Variants in SMOC2 observed in about 807,000 individuals in gnomAD.
The protein encoded by SMOC2 is SPARC related modular calcium binding 2, also known as SPARC-related modular calcium-binding protein 2.
SMOC2 carries 39 observed loss-of-function variants against 61.4 expected under a neutral mutation model. That is an observed-to-expected ratio of 0.64 (90% CI 0.49 to 0.83). The LOEUF (loss-of-function observed/expected upper bound fraction) is 0.83. SMOC2 is among the 40% of genes least tolerant of loss of function. SMOC2 has a pLI of 0.00. For missense variants in SMOC2, 556 were observed against 592.9 expected, an observed-to-expected ratio of 0.94 and a Z score of 0.65; for synonymous variants, 247 against 239.9, an observed-to-expected ratio of 1.03 and a Z score of -0.27.
At chr6:168,480,799 G>T (rs939909788) in intron 1 of SMOC2, among the ~76,000 whole-genome samples, 1 of 152,166 alleles carries the variant, frequency 6.6e-6, no homozygotes, top group African/African-American at 2.4e-5. Flanking sequence ...TAGACAAAGA[G>T]AATTTTGAAA....
At chr6:168,656,507 T>TAA (rs5881805) in intron 11 of SMOC2, among the ~76,000 whole-genome samples, 27,639 of 85,990 alleles carry the variant, frequency 0.32, 5,494 homozygotes, top group Non-Finnish European at 0.45. Context: ...GACTTTGTGT[T>TAA]AAAAAAAAAA....
At chr6:168,661,583 C>T (rs9355076) in intron 11 of SMOC2, among the ~76,000 whole-genome samples, 143,643 of 152,160 alleles carry the variant, frequency 0.94, 68,061 homozygotes, top group African/African-American at 0.99. Context: ...TCCTGGGTGG[C>T]AGAGTGAGAC....
intron 4 of SMOC2, among the ~76,000 whole-genome samples, chr6:168,534,420 G>C (rs910772683): frequency 6.6e-6 from 1 of 152,256 alleles, no homozygotes; most frequent in African/African-American, 2.4e-5. Context: ...GGAAGAGTGG[G>C]AGGTCCCTGC....
At chr6:168,445,391 G>A (rs1781309498) in intron 1 of SMOC2, among the ~76,000 whole-genome samples, 1 of 152,062 alleles carries the variant, frequency 6.6e-6, no homozygotes, top group Non-Finnish European at 1.5e-5. Flanking sequence ...TCCTATTTGT[G>A]TTTATTTGCT....
chr6:168,469,508 T>A (rs1311290507), intron 1 of SMOC2, among the ~76,000 whole-genome samples: 2 of 152,248 alleles, frequency 1.3e-5, no homozygotes, highest in African/African-American at 4.8e-5. Context: ...GGTCAGGGTT[T>A]GAATACAGAA....
chr6:168,496,050 T>A (rs1782582378), intron 1 of SMOC2, among the ~76,000 whole-genome samples: 1 of 152,230 alleles, frequency 6.6e-6, no homozygotes, highest in Non-Finnish European at 1.5e-5. Context: ...TCCACAAAAG[T>A]CTCCAAGCTT....
At chr6:168,519,043 ATG>A (rs779497513) in intron 2 of SMOC2, among the ~76,000 whole-genome samples, 65 of 133,202 alleles carry the variant, frequency 4.9e-4, no homozygotes, top group East Asian at 2.0e-3. Context: ...GTATGTGTGC[ATG>A]TGTGAGCATG....
intron 9 of SMOC2, among the ~76,000 whole-genome samples, chr6:168,641,234 G>A (rs765132722): frequency 1.3e-5 from 2 of 151,990 alleles, no homozygotes; most frequent in Non-Finnish European, 2.9e-5. Context: ...TGAAATGCTC[G>A]CTCCTCCCCG....
chr6:168,474,577 G>A (rs1782036656), intron 1 of SMOC2, among the ~76,000 whole-genome samples: 1 of 152,094 alleles, frequency 6.6e-6, no homozygotes, highest in Admixed American at 6.5e-5. Context: ...TACTATTTGT[G>A]CTTGATAATT....
intron 6 of SMOC2, among the ~76,000 whole-genome samples, chr6:168,548,592 C>T (rs1281094965): frequency 6.6e-6 from 1 of 151,786 alleles, no homozygotes; most frequent in Admixed American, 6.6e-5. Flanking sequence ...TCTTGAACAC[C>T]CGACCTCAGG....
intron 2 of SMOC2, 58 bp downstream of exon 2, chr6:168,510,144 G>A: frequency 1.3e-6 from 2 of 1,530,452 alleles, no homozygotes; most frequent in Non-Finnish European, 1.8e-6. Flanking sequence ...CAAAATGAAT[G>A]CAAACATATT....
chr6:168,527,995 T>C (rs1783495817), intron 4 of SMOC2, among the ~76,000 whole-genome samples: 1 of 152,240 alleles, frequency 6.6e-6, no homozygotes, highest in South Asian at 2.1e-4. Flanking sequence ...CATCTGATCA[T>C]GATGGGTTAA....
At chr6:168,603,788 C>T (rs1169952899) in intron 8 of SMOC2, among the ~76,000 whole-genome samples, 1 of 151,960 alleles carries the variant, frequency 6.6e-6, no homozygotes, top group Admixed American at 6.5e-5. Context: ...GGGGCGACTC[C>T]CTGAAATGCC....
chr6:168,445,162 A>G (rs1583022016), intron 1 of SMOC2, among the ~76,000 whole-genome samples: 2 of 152,224 alleles, frequency 1.3e-5, no homozygotes, highest in Admixed American at 1.3e-4. Context: ...TTCTCAAGTC[A>G]TCCTGCCATT....
At chr6:168,471,030 A>C (rs1384626473) in intron 1 of SMOC2, among the ~76,000 whole-genome samples, 2 of 152,208 alleles carry the variant, frequency 1.3e-5, no homozygotes, top group African/African-American at 4.8e-5. Context: ...ATTTTGTAAT[A>C]TTGTTGTAAT....
At chr6:168,639,531 G>A (rs150995203) in intron 9 of SMOC2, among the ~76,000 whole-genome samples, 5 of 152,268 alleles carry the variant, frequency 3.3e-5, no homozygotes, top group Non-Finnish European at 5.9e-5. Flanking sequence ...TTTTGTAGCT[G>A]TTTTGAAATA....
chr6:168,457,190 C>T (rs768701990), intron 1 of SMOC2, among the ~76,000 whole-genome samples: 4 of 152,194 alleles, frequency 2.6e-5, no homozygotes, highest in Admixed American at 6.5e-5. Flanking sequence ...GGACCGTCCA[C>T]GAGGGCTGCC....
intron 9 of SMOC2, among the ~76,000 whole-genome samples, chr6:168,648,566 G>A (rs918621928): frequency 2.0e-5 from 3 of 152,226 alleles, no homozygotes; most frequent in African/African-American, 7.2e-5. Context: ...GCAGCCTCAG[G>A]TCCTCTGCCT....
At chr6:168,448,379 G>T (rs1242277519) in intron 1 of SMOC2, among the ~76,000 whole-genome samples, 1 of 150,460 alleles carries the variant, frequency 6.6e-6, no homozygotes, top group Non-Finnish European at 1.5e-5. Flanking sequence ...GAGGAGGATG[G>T]CAATGGGGAG....
Sources: gnomAD v4.1 joint callset for allele counts (sites outside exome capture counted in the v4.1 genomes callset) on GRCh38, gnomAD v4.1.1 for gene constraint, MANE v1.5 for transcripts, NCBI Gene and HGNC (gene_info 2026-07-23, HGNC 2026-07-21) for gene names.